Variants in PCDH15 observed in about 807,000 individuals in gnomAD.
The protein encoded by PCDH15 is protocadherin related 15.
In PCDH15, 129 loss-of-function variants were observed where a neutral mutation model predicts 178.5. That is an observed-to-expected ratio of 0.72 (90% CI 0.63 to 0.84). The LOEUF is 0.84. PCDH15 is among the 40% of genes least tolerant of loss of function. The pLI is 0.00. For synonymous variants in PCDH15, 800 were observed against 732.0 expected, an observed-to-expected ratio of 1.09 and a Z score of -1.50; for missense variants, 2,230 against 2,099.9, an observed-to-expected ratio of 1.06 and a Z score of -1.21.
intron 1 of PCDH15, among the ~76,000 whole-genome samples, chr10:54,699,725 T>C (rs565538464): frequency 6.6e-5 from 10 of 152,202 alleles, no homozygotes; most frequent in African/African-American, 2.4e-4. Context: ...AATATATTCA[T>C]ATATATTATT....
intron 2 of PCDH15, chr10:55,599,572 G>C (rs1843023413): frequency 6.1e-6 from 1 of 162,662 alleles, no homozygotes; most frequent in African/African-American, 2.4e-5. Context: ...AATAATGTTA[G>C]TGTAAGTAAC....
chr10:55,046,903 ATTAAT>A (rs1841020393), intron 2 of PCDH15, among the ~76,000 whole-genome samples: 1 of 152,002 alleles, frequency 6.6e-6, no homozygotes, highest in South Asian at 2.1e-4. Context: ...TCAATACATT[ATTAAT>A]TTAAAGTAAT....
Position 55,270,151 on chromosome 10 carries a change from T to G in PCDH15, c.-156+49448A>C, listed in dbSNP as rs73252128. Among the ~76,000 whole-genome samples, 1,326 of 152,170 alleles carry G rather than the reference T, an allele frequency of 8.7e-3. 21 individuals carry two copies. Among genetic ancestry groups the G allele is most frequent in the African/African-American group, 0.03 (1,266 of 41,520 alleles). ...AATTAACTCAAGATGAATAAAACAT[T>G]TAAGTGCAAGGCCTCAAATCCTATA... On this transcript the variant is annotated intron_variant, in intron 1 of 5. Transcript: ENST00000458638.
chr10:54,620,627 G>T (rs979198936), intron 2 of PCDH15, among the ~76,000 whole-genome samples: 1 of 152,066 alleles, frequency 6.6e-6, no homozygotes, highest in Non-Finnish European at 1.5e-5. Flanking sequence ...AATACATTTT[G>T]TGATAGATAC....
chr10:54,220,274 T>C (rs1358939266), intron 9 of PCDH15, among the ~76,000 whole-genome samples: 1 of 152,208 alleles, frequency 6.6e-6, no homozygotes, highest in Non-Finnish European at 1.5e-5. Flanking sequence ...ATCTATCTCA[T>C]CTAAGTTTCA....
chr10:54,197,644 A>G (rs2049810724), intron 10 of PCDH15, among the ~76,000 whole-genome samples: 2 of 152,150 alleles, frequency 1.3e-5, no homozygotes, highest in Non-Finnish European at 2.9e-5. Flanking sequence ...AAACGTGAGG[A>G]AAGAAATTTG....
intron 2 of PCDH15, among the ~76,000 whole-genome samples, chr10:55,125,862 T>G (rs1837886449): frequency 6.6e-6 from 1 of 152,126 alleles, no homozygotes; most frequent in Non-Finnish European, 1.5e-5. Flanking sequence ...TTGGTAGGCA[T>G]AGCTTCTTTC....
intron 2 of PCDH15, among the ~76,000 whole-genome samples, chr10:54,921,079 G>A (rs1044518642): frequency 2.0e-5 from 3 of 152,000 alleles, no homozygotes; most frequent in Non-Finnish European, 4.4e-5. Flanking sequence ...TAGAACTGAT[G>A]GTACAAATGA....
At chr10:53,832,962 A>G (rs1301671320) in intron 29 of PCDH15, among the ~76,000 whole-genome samples, 1 of 152,036 alleles carries the variant, frequency 6.6e-6, no homozygotes, top group Non-Finnish European at 1.5e-5. Context: ...ACGCTTTTAT[A>G]GATTAAAAAT....
intron 27 of PCDH15, among the ~76,000 whole-genome samples, chr10:53,858,995 C>CT (rs146150863): frequency 0.011 from 1,701 of 151,878 alleles, 42 homozygotes; most frequent in African/African-American, 0.039. Flanking sequence ...CCCTCCCTCC[C>CT]TCCCCTCCTT....
At chr10:53,924,202 C>CG (rs1564780813) in intron 25 of PCDH15, among the ~76,000 whole-genome samples, 1 of 152,102 alleles carries the variant, frequency 6.6e-6, no homozygotes, top group Admixed American at 6.5e-5. Flanking sequence ...AGGCGGGAAC[C>CG]GGGGCTGCAT....
intron 2 of PCDH15, among the ~76,000 whole-genome samples, chr10:54,623,269 C>G (rs988918814): frequency 7.9e-5 from 12 of 152,018 alleles, no homozygotes; most frequent in African/African-American, 2.7e-4. Flanking sequence ...GATCCTTTGG[C>G]GGCAGAAGCT....
intron 2 of PCDH15, among the ~76,000 whole-genome samples, chr10:55,026,168 A>C (rs1181574857): frequency 6.6e-6 from 1 of 152,000 alleles, no homozygotes; most frequent in Non-Finnish European, 1.5e-5. Flanking sequence ...GACAGGATTC[A>C]CATTTCTGAA....
chr10:54,044,593 A>G (rs2093621088), intron 18 of PCDH15, among the ~76,000 whole-genome samples: 1 of 152,100 alleles, frequency 6.6e-6, no homozygotes, highest in South Asian at 2.1e-4. Context: ...TCCAGGTGGA[A>G]ATACTCCAAT....
intron 1 of PCDH15, among the ~76,000 whole-genome samples, chr10:55,170,401 A>C (rs1591961386): frequency 6.6e-6 from 1 of 152,090 alleles, no homozygotes; most frequent in Admixed American, 6.6e-5. Flanking sequence ...CTCTTGGCTA[A>C]GCCTCCCAAA....
intron 31 of PCDH15, among the ~76,000 whole-genome samples, chr10:53,827,852 G>A (rs2076785381): frequency 6.6e-6 from 1 of 151,918 alleles, no homozygotes; most frequent in South Asian, 2.1e-4. Context: ...AAAATGGGAT[G>A]GATAATTAAT....
At chr10:54,062,058 C>G (rs951169648) in intron 18 of PCDH15, among the ~76,000 whole-genome samples, 3 of 151,616 alleles carry the variant, frequency 2.0e-5, no homozygotes, top group African/African-American at 7.3e-5. Flanking sequence ...AAACCTGTCT[C>G]TACTAAAAGT....
At chr10:55,442,974 A>T (rs917470779) in intron 2 of PCDH15, among the ~76,000 whole-genome samples, 1 of 152,128 alleles carries the variant, frequency 6.6e-6, no homozygotes, top group African/African-American at 2.4e-5. Flanking sequence ...TAAATAGAGA[A>T]TTTAACTTTT....
At chr10:54,197,487 G>A (rs2049793913) in intron 10 of PCDH15, among the ~76,000 whole-genome samples, 1 of 151,878 alleles carries the variant, frequency 6.6e-6, no homozygotes, top group Non-Finnish European at 1.5e-5. Context: ...TTTAATTTTT[G>A]TTATGTTTTC....
Sources: allele counts gnomAD v4.1 joint callset (sites outside exome capture counted in the v4.1 genomes callset), GRCh38; gene constraint gnomAD v4.1.1; transcripts MANE v1.5; gene names NCBI Gene and HGNC (gene_info 2026-07-23, HGNC 2026-07-21).